The following SMG6 variants were observed in gnomAD, a reference collection of about 807,000 sequenced individuals.
SMG6 encodes telomerase-binding protein EST1A.
SMG6 carries 66 observed loss-of-function variants against 142.2 expected under a neutral mutation model. The observed-to-expected ratio is 0.46, with a 90% CI of 0.38 to 0.57. SMG6 has a LOEUF of 0.57. Ranked by LOEUF, SMG6 falls within the 20% of genes least tolerant of loss-of-function variation. The pLI is 0.00. For missense variants in SMG6, 1,793 were observed against 1,832.0 expected (o/e 0.98, Z 0.39); for synonymous variants, 779 against 702.4 (o/e 1.11, Z -1.72).
chr17:2,114,492 C>G (rs2641438), intron 13 of SMG6, among the ~76,000 whole-genome samples: 53,925 of 151,934 alleles, frequency 0.35, 10,267 homozygotes, highest in African/African-American at 0.49. Flanking sequence ...GTGGGTGGAA[C>G]TGGAGTGAGA....
At chr17:2,287,149 G>C (rs1393574959) in intron 6 of SMG6, among the ~76,000 whole-genome samples, 2 of 151,948 alleles carry the variant, frequency 1.3e-5, no homozygotes, top group African/African-American at 2.4e-5. Context: ...TCAATCTCTT[G>C]ACCTCGTGAT....
At chr17:2,152,781 A>C (rs1003052062) in intron 13 of SMG6, among the ~76,000 whole-genome samples, 1 of 152,242 alleles carries the variant, frequency 6.6e-6, no homozygotes, top group Admixed American at 6.5e-5. Context: ...GAAGTTAAAC[A>C]TACTCTTATC....
chr17:2,163,665 C>T (rs2071246833), intron 13 of SMG6, among the ~76,000 whole-genome samples: 1 of 151,820 alleles, frequency 6.6e-6, no homozygotes, highest in Non-Finnish European at 1.5e-5. Flanking sequence ...TATTTTTTCC[C>T]TTCCAACAGT....
chr17:2,275,139 G>A (rs1406547080), intron 8 of SMG6, among the ~76,000 whole-genome samples: 2 of 151,856 alleles, frequency 1.3e-5, no homozygotes, highest in South Asian at 2.1e-4. Context: ...TAAAGAATAC[G>A]AGCCGGGCAT....
rs1360158555 is a variant in SMG6 at position 2,297,239 on chromosome 17, T to C, written c.2151+4A>G. 3.2e-6 allele frequency: 5 copies of C among 1,587,144 alleles called. No individual in the cohort carries two copies. Among genetic ancestry groups the C allele is most frequent in the Non-Finnish European group, 4.3e-6 (5 of 1,168,190 alleles). ...ATTTAAGATACATAAAGAAGGTAGC[T>C]TACTGTCTTGCGTAATGGCTTGCTG... On this transcript the variant is annotated splice_donor_region_variant and intron_variant, in intron 4 of 18. Transcript: ENST00000263073.
chr17:2,065,479 T>C lies in SMG6; in HGVS notation c.4036A>G (p.Thr1346Ala). 3 of 1,612,472 alleles carry C rather than the reference T, an allele frequency of 1.9e-6. No homozygotes were observed. The highest frequency in any genetic ancestry group is 2.5e-6 in the Non-Finnish European group (3 of 1,179,900). The change falls in exon 17 of 19, where the codon ACT becomes GCT. Residue 1346 changes from threonine (T) to alanine (A), a missense_variant. By Grantham distance (58) the Thr-to-Ala change is moderately conservative (BLOSUM62 0). Transcript: ENST00000263073. ...ESIAFRSEDI[T>A]GQLGNNDDLI... ...CCACAGGGTCTCACCAGCTGGCCAG[T>C]GATGTCCTCACTGCGGAAGGCGATG...
intron 8 of SMG6, among the ~76,000 whole-genome samples, chr17:2,253,925 CT>C (rs2151319032): frequency 6.6e-6 from 1 of 152,328 alleles, no homozygotes; most frequent in African/African-American, 2.4e-5. Context: ...GGAGACTTCA[CT>C]TAGGCCAGAG....
intron 8 of SMG6, among the ~76,000 whole-genome samples, chr17:2,250,917 C>A (rs150542663): frequency 5.3e-5 from 8 of 152,176 alleles, no homozygotes; most frequent in African/African-American, 1.4e-4. Flanking sequence ...TCATCCTCAT[C>A]CCTGCGCTCC....
At chr17:2,277,182 T>TGAGACAGAG (rs2074676993) in intron 8 of SMG6, among the ~76,000 whole-genome samples, 1 of 135,928 alleles carries the variant, frequency 7.4e-6, no homozygotes, top group Admixed American at 7.9e-5. Context: ...ATTTTTTTTT[T>TGAGACAGAG]TTTTGAGACA....
At chr17:2,164,912 G>A (rs1258844363) in intron 13 of SMG6, among the ~76,000 whole-genome samples, 1 of 152,068 alleles carries the variant, frequency 6.6e-6, no homozygotes, top group Non-Finnish European at 1.5e-5. Context: ...ACTCCAGCGT[G>A]GGCGACAGAG....
rs1189853954 is a variant in SMG6 at position 2,127,422 on chromosome 17, T to G, written c.3358-41521A>C. The G allele has an allele frequency of 9.8e-6, 8 of 814,670 alleles. No homozygotes were observed. The African/African-American group carries it at 1.2e-4, about 12-fold the overall frequency. 50.5% of individuals were successfully genotyped at this position (814,670 alleles called of 1,614,324 possible). A position where few individuals can be genotyped will look rare whatever the true frequency, so the allele number is the denominator to read the frequency against. On this transcript the variant is annotated intron_variant, in intron 13 of 18. Transcript: ENST00000263073. The stretch of plus-strand genomic sequence containing the variant: ...TTCCCCCCCTCTTTAAATAGACACT[T>G]TATTAGATCCACAGGTGATAAAATC...
intron 13 of SMG6, among the ~76,000 whole-genome samples, chr17:2,141,018 A>C (rs976679555): frequency 6.6e-6 from 1 of 152,158 alleles, no homozygotes; most frequent in Admixed American, 6.5e-5. Context: ...GCACAGAGAA[A>C]TCTGGCCAGG....
At chr17:2,178,745 T>C (rs543532148) in intron 12 of SMG6, among the ~76,000 whole-genome samples, 5 of 152,302 alleles carry the variant, frequency 3.3e-5, no homozygotes, top group Admixed American at 3.3e-4. Flanking sequence ...CACTATGGTG[T>C]GCTAAACCCA....
intron 13 of SMG6, among the ~76,000 whole-genome samples, chr17:2,145,150 T>C (rs2070624136): frequency 6.6e-6 from 1 of 152,170 alleles, no homozygotes; most frequent in African/African-American, 2.4e-5. Context: ...TCTCTGTCGC[T>C]CTGTTGCCCA....
chr17:2,073,137 G>T (rs576690371), intron 15 of SMG6, among the ~76,000 whole-genome samples: 1 of 152,058 alleles, frequency 6.6e-6, no homozygotes, highest in Non-Finnish European at 1.5e-5. Flanking sequence ...ATGCTGGAGT[G>T]TAGTGGCGTG....
intron 8 of SMG6, among the ~76,000 whole-genome samples, chr17:2,253,623 G>A (rs9899193): frequency 0.58 from 87,282 of 151,528 alleles, 26,266 homozygotes; most frequent in East Asian, 0.75. Flanking sequence ...ACCCCCCTCC[G>A]CCACCAGAAT....
intron 10 of SMG6, among the ~76,000 whole-genome samples, 182 bp downstream of exon 10, chr17:2,236,310 A>G (rs1330673902): frequency 1.4e-5 from 2 of 146,836 alleles, no homozygotes; most frequent in African/African-American, 5.0e-5. Context: ...AGCACTAGAG[A>G]GTCATACAGA....
chr17:2,253,119 T>TTTATTTA (rs1555565843), intron 8 of SMG6, among the ~76,000 whole-genome samples: 86 of 130,652 alleles, frequency 6.6e-4, no homozygotes, highest in Non-Finnish European at 2.2e-4. Flanking sequence ...AAATATTTTA[T>TTTATTTA]TTTATTTATT....
At chr17:2,153,890 C>A (rs542489539) in intron 13 of SMG6, among the ~76,000 whole-genome samples, 2 of 127,396 alleles carry the variant, frequency 1.6e-5, no homozygotes, top group South Asian at 5.1e-4. Context: ...GACGGGGGAA[C>A]CTGGGGAGGC....
Sources: gnomAD v4.1 joint callset for allele counts (sites outside exome capture counted in the v4.1 genomes callset) on GRCh38, gnomAD v4.1.1 for gene constraint, MANE v1.5 for transcripts, NCBI Gene and HGNC (gene_info 2026-07-23, HGNC 2026-07-21) for gene names.